CCM2: variants seen among roughly 807,000 people sequenced by gnomAD.
The protein encoded by CCM2 is CCM2 scaffold protein.
In CCM2, 25 loss-of-function variants were observed where a neutral mutation model predicts 44.9. The observed-to-expected ratio is 0.56, with a 90% CI of 0.41 to 0.78. The LOEUF is 0.78. CCM2 is among the 30% of genes least tolerant of loss of function. The pLI is 0.00. For synonymous variants in CCM2, 219 were observed against 241.1 expected (o/e 0.91, Z 0.85); for missense variants, 481 against 580.6 (o/e 0.83, Z 1.76).
upstream of CCM2, chr7:44,999,993 T>G: frequency 4.1e-6 from 1 of 246,718 alleles, no homozygotes; most frequent in South Asian, 3.2e-5. Context: ...ATCTTCAGCC[T>G]GTGGGCGGTG....
intron 1 of CCM2, among the ~76,000 whole-genome samples, chr7:45,022,720 A>G (rs779094698): frequency 2.0e-5 from 3 of 151,892 alleles, no homozygotes; most frequent in Non-Finnish European, 4.4e-5. Context: ...ACATGGGTGA[A>G]TTGTATAGTG....
intron 1 of CCM2, among the ~76,000 whole-genome samples, chr7:45,004,927 T>A (rs1795785534): frequency 6.7e-6 from 1 of 149,966 alleles, no homozygotes; most frequent in South Asian, 2.1e-4. Context: ...ACTCGGGAGA[T>A]GGAGGTTGCA....
At chr7:45,044,473 A>G (rs1797661164) in intron 2 of CCM2, among the ~76,000 whole-genome samples, 1 of 152,058 alleles carries the variant, frequency 6.6e-6, no homozygotes, top group Non-Finnish European at 1.5e-5. Context: ...AGTTCCATCT[A>G]TAGCCCACTT....
chr7:45,047,315 A>T (rs1279064557), intron 2 of CCM2, among the ~76,000 whole-genome samples: 1 of 152,248 alleles, frequency 6.6e-6, no homozygotes, highest in Non-Finnish European at 1.5e-5. Context: ...AAACAACTCC[A>T]TGTCCTTTGG....
chr7:45,062,735 A>G (rs1037855353), intron 2 of CCM2, among the ~76,000 whole-genome samples: 7 of 151,942 alleles, frequency 4.6e-5, no homozygotes, highest in Admixed American at 3.9e-4. Context: ...CTAAGGTGGG[A>G]CAATTGCTTT....
intron 2 of CCM2, 114 bp from the exon 3 acceptor site, chr7:45,063,804 C>T (rs1798635387): frequency 1.3e-6 from 1 of 774,120 alleles, no homozygotes. Context: ...AATGGAGACC[C>T]ATGGGCCTGG....
intron 2 of CCM2, among the ~76,000 whole-genome samples, chr7:45,058,115 TTGG>T (rs1290446646): frequency 2.0e-5 from 3 of 152,240 alleles, no homozygotes; most frequent in African/African-American, 7.2e-5. Flanking sequence ...ACCTCCTTGC[TTGG>T]TTCCCAGTCA....
intron 2 of CCM2, among the ~76,000 whole-genome samples, chr7:45,051,158 C>T (rs1006277632): frequency 6.6e-6 from 1 of 152,180 alleles, no homozygotes; most frequent in Non-Finnish European, 1.5e-5. Flanking sequence ...CTCAGCTTCT[C>T]CAGAGGCATT....
intron 1 of CCM2, among the ~76,000 whole-genome samples, chr7:45,019,059 C>CTTT (rs34045609): frequency 3.0e-4 from 28 of 93,298 alleles, no homozygotes; most frequent in African/African-American, 8.1e-4. Flanking sequence ...TGCGCCTGGC[C>CTTT]TTTTTTTTTT....
At position 45,064,647 on chromosome 7, in the gene CCM2, G is replaced by C. The variant is rs745710633; in HGVS notation, c.472+1G>C. The C allele has an allele frequency of 5.6e-6, 9 of 1,613,810 alleles. No homozygotes were observed. The Middle Eastern group carries it at 5.2e-4, about 93-fold the overall frequency. On this transcript the variant is annotated splice_donor_variant, in intron 4 of 9. Coordinates refer to ENST00000258781, the MANE Select transcript of CCM2 (RefSeq NM_031443.4). LOFTEE classifies it high-confidence loss of function. ...GCACACCTGGTGGTCCTGAAGACAG[G>C]TACAGGAGGTCAGGGGTCAGGAGGG...
At chr7:45,021,024 G>C (rs914486436) in intron 1 of CCM2, among the ~76,000 whole-genome samples, 2 of 152,180 alleles carry the variant, frequency 1.3e-5, no homozygotes, top group African/African-American at 4.8e-5. Context: ...CACTGTCTGA[G>C]GGTGGTCTTA....
chr7:45,021,845 T>C (rs1369461765), intron 1 of CCM2, among the ~76,000 whole-genome samples: 1 of 152,208 alleles, frequency 6.6e-6, no homozygotes, highest in Non-Finnish European at 1.5e-5. Context: ...GAAGCTGTCT[T>C]CTCACAGTTT....
Position 45,068,326 on chromosome 7 carries a change from G to T in CCM2, c.473-117G>T, listed in dbSNP as rs142383640. On this transcript the variant is annotated intron_variant, in intron 4 of 9. Transcript: ENST00000258781. The stretch of plus-strand genomic sequence containing the variant: ...CCTTCACCTGAGTCGTTCTGTGGGT[G>T]CCTGAGCCAGGTAAAGGTCCTCTCA... 2.6e-3 allele frequency: 3,501 copies of T among 1,338,364 alleles called. 91 individuals are homozygous for T. The Admixed American group carries it at 0.044, about 17-fold the overall frequency. The allele number at this position is 1,338,364 out of a possible 1,614,324, so 82.9% of individuals were successfully genotyped here.
At chr7:45,026,506 C>G (rs962510722) in intron 1 of CCM2, among the ~76,000 whole-genome samples, 1 of 151,840 alleles carries the variant, frequency 6.6e-6, no homozygotes. Flanking sequence ...TGAAAATCAG[C>G]ACTTTGATTT....
chr7:45,056,289 A>C (rs936622375), intron 2 of CCM2, among the ~76,000 whole-genome samples: 5 of 152,210 alleles, frequency 3.3e-5, no homozygotes, highest in African/African-American at 1.2e-4. Flanking sequence ...ATCATTTTAC[A>C]TTCCCATCAG....
chr7:45,053,789 A>T lies in CCM2; in HGVS notation c.205-10129A>T, dbSNP rs74964588. Among the ~76,000 whole-genome samples, 1,003 of 152,260 alleles carry T rather than the reference A, an allele frequency of 6.6e-3. 6 individuals are homozygous for T. The highest frequency in any genetic ancestry group is 0.017 in the Middle Eastern group (5 of 294). ...TTAGTGCCATGGTTGATGGAATGCC[A>T]TCATGTTCTCCTGAGGGACATGGGC... On this transcript the variant is annotated intron_variant, in intron 2 of 9. Transcript: ENST00000258781.
chr7:45,047,066 A>C (rs10951792), intron 2 of CCM2, among the ~76,000 whole-genome samples: 4 of 152,080 alleles, frequency 2.6e-5, no homozygotes, highest in African/African-American at 9.7e-5. Flanking sequence ...AGTAGAACAC[A>C]AGATGCTGGA....
At chr7:45,026,542 A>G (rs1444709669) in intron 1 of CCM2, among the ~76,000 whole-genome samples, 1 of 150,526 alleles carries the variant, frequency 6.6e-6, no homozygotes, top group Admixed American at 6.6e-5. Flanking sequence ...TTAAAAAATT[A>G]TATTGTAATT....
At chr7:45,070,706 T>C (rs1032134828) in intron 6 of CCM2, 2 of 220,984 alleles carry the variant, frequency 9.1e-6, no homozygotes, top group Non-Finnish European at 9.4e-6. Context: ...CCCAGCACTT[T>C]GGGAGGCTGA....
Sources: gnomAD v4.1 joint callset for allele counts (sites outside exome capture counted in the v4.1 genomes callset) on GRCh38, gnomAD v4.1.1 for gene constraint, MANE v1.5 for transcripts, NCBI Gene and HGNC (gene_info 2026-07-23, HGNC 2026-07-21) for gene names.